Variants in ENOSF1 observed in about 807,000 individuals in gnomAD.
ENOSF1 encodes the protein enolase superfamily member 1.
A neutral mutation model predicts 68.2 loss-of-function variants in ENOSF1; 73 were observed. The observed-to-expected ratio is 1.07, with a 90% confidence interval of 0.89 to 1.30. ENOSF1 has a LOEUF of 1.30. Ranked by LOEUF, ENOSF1 falls within the 50% of genes most tolerant of loss-of-function variation. The pLI, the probability that ENOSF1 is intolerant of heterozygous loss-of-function variation, is 0.00. For synonymous variants in ENOSF1, 223 were observed against 210.4 expected (o/e 1.06, Z -0.52); for missense variants, 589 against 554.5 (o/e 1.06, Z -0.62).
chr18:705,825 A>G (rs2078866677), intron 2 of ENOSF1, among the ~76,000 whole-genome samples: 1 of 152,008 alleles, frequency 6.6e-6, no homozygotes, highest in South Asian at 2.1e-4. Context: ...CCTGGTCAAC[A>G]TGGTGAAACC....
intron 2 of ENOSF1, among the ~76,000 whole-genome samples, chr18:700,688 C>T (rs2078246360): frequency 6.6e-6 from 1 of 151,794 alleles, no homozygotes; most frequent in African/African-American, 2.4e-5. Flanking sequence ...AGTATGAGAT[C>T]AACCTGATCA....
chr18:697,301 TC>T lies in ENOSF1; in HGVS notation c.247del (p.Asp83ThrfsTer37). 14 of 1,613,958 alleles carry T rather than the reference TC, an allele frequency of 8.7e-6. No homozygotes were observed. The highest frequency in any genetic ancestry group is 1.1e-5 in the Non-Finnish European group (13 of 1,179,916). On this transcript the variant is annotated frameshift_variant, in exon 3 of 16. Coordinates refer to ENST00000647584, the MANE Select transcript of ENOSF1 (RefSeq NM_017512.7). LOFTEE classifies it high-confidence loss of function. ...GAAGCCTCTGAAGTCACCAACAATG[TC>T]CTTGAGGTCCTTGTTGAGCACATGG... ...AHHVLNKDLK[D>X]IVGDFRGFYR...
At chr18:669,433 C>T (rs557529223), downstream of ENOSF1, 19 of 322,654 alleles carry the variant, frequency 5.9e-5, no homozygotes, top group Admixed American at 6.5e-4. Context: ...AATGCAACGG[C>T]GTGATCTTGG....
At position 712,361 on chromosome 18, in the gene ENOSF1, A is replaced by G. The variant is rs538048676; in HGVS notation, c.84+143T>C. ...ACCCGGGCCGCAAGCCGCGCGTACCATGGCGTCCGCGCTTACCATGGCGTC... is the reference window on the plus strand; with the variant it reads ...ACCCGGGCCGCAAGCCGCGCGTACCGTGGCGTCCGCGCTTACCATGGCGTC... On this transcript the variant is annotated intron_variant, in intron 1 of 15. Transcript: ENST00000647584. The G allele has an allele frequency of 8.7e-5, 120 of 1,372,146 alleles. 7 individuals carry two copies. The South Asian group carries it at 1.2e-3, about 14-fold the overall frequency. 85.0% of individuals were successfully genotyped at this position (1,372,146 alleles called of 1,614,324 possible). A position where few individuals can be genotyped will look rare whatever the true frequency, so the allele number is the denominator to read the frequency against.
intron 11 of ENOSF1, among the ~76,000 whole-genome samples, chr18:680,699 G>C (rs1338673386): frequency 1.5e-5 from 1 of 67,934 alleles, no homozygotes; most frequent in Admixed American, 1.7e-4. Flanking sequence ...TTTTTTTTTT[G>C]AGATGGAGTA....
chr18:663,013 T>G, the ENOSF1 span, among the ~76,000 whole-genome samples: 1 of 142,532 alleles, frequency 7.0e-6, no homozygotes, highest in Non-Finnish European at 1.5e-5. Context: ...GATTTAATAG[T>G]CCTTTGGGTA....
Position 670,649 on chromosome 18 carries a change from T to C in ENOSF1, c.*3656A>G. 1 of 1,604,082 alleles carries C rather than the reference T, an allele frequency of 6.2e-7. No homozygotes were observed. The highest frequency in any genetic ancestry group is 8.5e-7 in the Non-Finnish European group (1 of 1,173,636). On this transcript the variant is annotated 3_prime_UTR_variant, in exon 16 of 16. Transcript: ENST00000647584. ...TTACTTTGCCTTTAGCTGTGGTCTT[T>C]CAAACCACCATCCCTCCTTATCTTC...
At chr18:701,937 T>C (rs1272240062) in intron 2 of ENOSF1, among the ~76,000 whole-genome samples, 1 of 143,796 alleles carries the variant, frequency 7.0e-6, no homozygotes. Context: ...AATAAATACA[T>C]AGATAAATAA....
At chr18:683,018 G>C (rs962425242) in intron 11 of ENOSF1, 6 of 498,314 alleles carry the variant, frequency 1.2e-5, no homozygotes, top group Non-Finnish European at 2.1e-5. Context: ...ACTTTTAGCA[G>C]CTTACTTTAT....
chr18:664,912 C>T, the ENOSF1 span, among the ~76,000 whole-genome samples: 1 of 142,308 alleles, frequency 7.0e-6, no homozygotes, highest in Non-Finnish European at 1.5e-5. Context: ...CTGCTGGATT[C>T]GGTTTGCCAG....
Position 674,057 on chromosome 18 carries a change from G to C in ENOSF1, c.*248C>G, listed in dbSNP as rs982041782. ...GCCAGCCCTTGATATAGCTATTTTT[G>C]TAAGAACATCCTCCTGGACTTTGGG... On this transcript the variant is annotated 3_prime_UTR_variant, in exon 16 of 16. Coordinates refer to ENST00000647584, the MANE Select transcript of ENOSF1 (RefSeq NM_017512.7). 1.5e-5 allele frequency: 5 copies of C among 334,664 alleles called. No individual in the cohort carries two copies. Among genetic ancestry groups the C allele is most frequent in the Non-Finnish European group, 2.2e-5 (4 of 185,000 alleles). The allele number at this position is 334,664 out of a possible 1,614,324, so 20.7% of individuals were successfully genotyped here. A position where few individuals can be genotyped will look rare whatever the true frequency, so the allele number is the denominator to read the frequency against.
Position 671,049 on chromosome 18 carries a change from G to A in ENOSF1, c.*3256C>T. On this transcript the variant is annotated 3_prime_UTR_variant, in exon 16 of 16. Coordinates refer to ENST00000647584, the MANE Select transcript of ENOSF1 (RefSeq NM_017512.7). ...CTCTTCTGGAAGGTTTTCTGGCCCT[G>A]TGGTATACGCACTAACAGATCTATA... 1.4e-6 allele frequency: 1 copy of A among 704,876 alleles called. No individual in the cohort carries two copies. The highest frequency in any genetic ancestry group is 2.3e-6 in the Non-Finnish European group (1 of 432,246). 43.7% of individuals were successfully genotyped at this position (704,876 alleles called of 1,614,324 possible). A position where few individuals can be genotyped will look rare whatever the true frequency, so the allele number is the denominator to read the frequency against.
chr18:669,225 A>G (rs770424643), downstream of ENOSF1: 1 of 1,536,946 alleles, frequency 6.5e-7, no homozygotes, highest in South Asian at 1.1e-5. Context: ...CTTAGAGGGA[A>G]GCAATCTGGT....
chr18:694,444 A>G (rs2077514810), intron 3 of ENOSF1, 110 bp from the exon 4 acceptor site: 1 of 886,466 alleles, frequency 1.1e-6, no homozygotes, highest in African/African-American at 1.7e-5. Context: ...CAGCCTGGCC[A>G]ACATGGTGAA....
intron 1 of ENOSF1, among the ~76,000 whole-genome samples, chr18:708,464 A>G (rs1242988764): frequency 6.6e-6 from 1 of 152,140 alleles, no homozygotes; most frequent in African/African-American, 2.4e-5. Context: ...TGAGCCCAGG[A>G]GTTCGAGACT....
intron 1 of ENOSF1, among the ~76,000 whole-genome samples, chr18:708,196 T>C (rs536624635): frequency 2.5e-4 from 38 of 152,100 alleles, no homozygotes; most frequent in African/African-American, 8.7e-4. Context: ...TAAATCCCTG[T>C]ATTGGGGTGT....
At chr18:669,218 AG>A (rs768639100), downstream of ENOSF1, 21 of 1,553,122 alleles carry the variant, frequency 1.4e-5, no homozygotes, top group South Asian at 2.4e-4. Context: ...CCATACTCTT[AG>A]AGGGAAGCAA....
At chr18:669,390 T>G (rs1324442999), downstream of ENOSF1, 17 of 419,550 alleles carry the variant, frequency 4.1e-5, no homozygotes, top group East Asian at 6.9e-4. Context: ...TTTTTTTTTT[T>G]GAGACAGAGT....
chr18:666,126 C>T (rs1413212002), downstream of ENOSF1, among the ~76,000 whole-genome samples: 1 of 101,560 alleles, frequency 9.8e-6, no homozygotes, highest in East Asian at 3.7e-4. Context: ...GTTAAAGTCT[C>T]CCATTATTAA....
Sources: allele counts gnomAD v4.1 joint callset (sites outside exome capture counted in the v4.1 genomes callset), GRCh38; gene constraint gnomAD v4.1.1; transcripts MANE v1.5; gene names NCBI Gene and HGNC (gene_info 2026-07-23, HGNC 2026-07-21).